Variants in CNTNAP2 observed in about 807,000 individuals in gnomAD.
CNTNAP2 encodes contactin associated protein 2, also known as contactin-associated protein-like 2.
In CNTNAP2, 98 loss-of-function variants were observed where a neutral mutation model predicts 155.2. That is an observed-to-expected ratio of 0.63 (90% CI 0.54 to 0.75). CNTNAP2 has a LOEUF of 0.75. Ranked by LOEUF, CNTNAP2 falls within the 30% of genes least tolerant of loss-of-function variation. CNTNAP2 has a pLI of 0.00. For synonymous variants in CNTNAP2, 651 were observed against 631.2 expected (o/e 1.03, Z -0.47); for missense variants, 1,727 against 1,688.1 (o/e 1.02, Z -0.40).
intron 13 of CNTNAP2, among the ~76,000 whole-genome samples, chr7:147,809,115 G>T (rs1445961163): frequency 6.6e-6 from 1 of 152,192 alleles, no homozygotes; most frequent in Non-Finnish European, 1.5e-5. Flanking sequence ...ACTACTGGCA[G>T]CACGAGCAGG....
rs115447220 is a variant in CNTNAP2 at position 147,493,991 on chromosome 7, C to T, written c.1777+7950C>T. Among the ~76,000 whole-genome samples the T allele has an allele frequency of 5.1e-3, 773 of 152,254 alleles. 9 individuals are homozygous for T. Among genetic ancestry groups the T allele is most frequent in the African/African-American group, 0.017 (726 of 41,552 alleles). ...TATGCAAGTCAAATGTTAATAAGCC[C>T]TTGCTCAGCTGTATGTATTCTCTAG... On this transcript the variant is annotated intron_variant, in intron 11 of 23. Coordinates refer to ENST00000361727, the MANE Select transcript of CNTNAP2 (RefSeq NM_014141.6).
chr7:148,035,614 A>G (rs188150817), intron 15 of CNTNAP2, among the ~76,000 whole-genome samples: 36 of 152,316 alleles, frequency 2.4e-4, no homozygotes, highest in African/African-American at 8.7e-4. Flanking sequence ...CCTAGATTTC[A>G]AAGGATGTGT....
intron 1 of CNTNAP2, among the ~76,000 whole-genome samples, chr7:146,637,995 G>A (rs965233444): frequency 6.6e-6 from 1 of 152,088 alleles, no homozygotes; most frequent in Non-Finnish European, 1.5e-5. Context: ...GTGTCTATAA[G>A]GACCTTGTAT....
At chr7:146,273,500 T>C (rs1441272689) in intron 1 of CNTNAP2, among the ~76,000 whole-genome samples, 1 of 152,126 alleles carries the variant, frequency 6.6e-6, no homozygotes, top group African/African-American at 2.4e-5. Context: ...CCATGGATTA[T>C]ACCTAAAGAA....
intron 3 of CNTNAP2, among the ~76,000 whole-genome samples, chr7:146,930,439 C>T (rs1563007102): frequency 2.0e-5 from 3 of 152,080 alleles, no homozygotes; most frequent in African/African-American, 4.8e-5. Flanking sequence ...CTGAAGGAAG[C>T]ACTAAACATG....
chr7:146,270,977 G>A (rs1221445174), intron 1 of CNTNAP2, among the ~76,000 whole-genome samples: 1 of 152,086 alleles, frequency 6.6e-6, no homozygotes, highest in Non-Finnish European at 1.5e-5. Flanking sequence ...GAAAAAATGA[G>A]TATGTAAACA....
intron 3 of CNTNAP2, among the ~76,000 whole-genome samples, chr7:147,021,779 C>T (rs1798821633): frequency 6.6e-6 from 1 of 152,218 alleles, no homozygotes; most frequent in African/African-American, 2.4e-5. Flanking sequence ...TCATGTAACA[C>T]CTTGTTTTTC....
chr7:147,824,104 G>A (rs546525130), intron 13 of CNTNAP2, among the ~76,000 whole-genome samples: 2 of 152,172 alleles, frequency 1.3e-5, no homozygotes, highest in Admixed American at 6.6e-5. Flanking sequence ...TTAGTGTCTC[G>A]AGATTCTATT....
At chr7:148,202,776 A>G (rs1217885628) in intron 18 of CNTNAP2, among the ~76,000 whole-genome samples, 2 of 152,322 alleles carry the variant, frequency 1.3e-5, no homozygotes, top group East Asian at 3.9e-4. Flanking sequence ...AATTACACAC[A>G]TCGTGTGTGC....
At chr7:148,007,331 A>G (rs1213002444) in intron 15 of CNTNAP2, among the ~76,000 whole-genome samples, 1 of 144,772 alleles carries the variant, frequency 6.9e-6, no homozygotes, top group East Asian at 2.7e-4. Flanking sequence ...CATTCTTTAA[A>G]GTTCAGATAA....
intron 3 of CNTNAP2, among the ~76,000 whole-genome samples, chr7:146,971,248 A>C (rs549046000): frequency 2.6e-4 from 39 of 152,264 alleles, no homozygotes; most frequent in Admixed American, 1.6e-3. Context: ...TTTTTCCCTA[A>C]AATATTATTG....
chr7:147,512,794 G>T lies in CNTNAP2; in HGVS notation c.1777+26753G>T, dbSNP rs1048859589. Among the ~76,000 whole-genome samples, 5 of 152,196 alleles carry T rather than the reference G, an allele frequency of 3.3e-5. No individual in the cohort carries two copies. The South Asian group carries it at 1.0e-3, about 32-fold the overall frequency. On this transcript the variant is annotated intron_variant, in intron 11 of 23. Coordinates refer to ENST00000361727, the MANE Select transcript of CNTNAP2 (RefSeq NM_014141.6). ...GCAAATAATAAGACAGAGTTACAAA[G>T]ATTTATGTATGCTTTTCATCTCAGC...
chr7:147,808,169 C>T (rs889545894), intron 13 of CNTNAP2, among the ~76,000 whole-genome samples: 6 of 152,110 alleles, frequency 3.9e-5, no homozygotes, highest in African/African-American at 1.4e-4. Flanking sequence ...CTCCATATGG[C>T]CTCTTTCTGT....
rs1486541938 is a variant in CNTNAP2, at chr7:148,393,475, A to G, written c.3715+9587A>G. Among the ~76,000 whole-genome samples, 3 of 152,206 alleles carry G rather than the reference A, an allele frequency of 2.0e-5. No homozygotes were observed. The East Asian group carries it at 5.8e-4, about 29-fold the overall frequency. Reference sequence around the variant, plus strand: ...CAAGCGCATTTATGTATCTCAAATCAACTATGGTATTAGTCTTACCTATTT... The same window carrying G: ...CAAGCGCATTTATGTATCTCAAATCGACTATGGTATTAGTCTTACCTATTT... On this transcript the variant is annotated intron_variant, in intron 22 of 23. Coordinates refer to ENST00000361727, the MANE Select transcript of CNTNAP2 (RefSeq NM_014141.6).
intron 4 of CNTNAP2, among the ~76,000 whole-genome samples, chr7:147,061,632 C>T (rs2129262455): frequency 6.6e-6 from 1 of 152,260 alleles, no homozygotes; most frequent in Non-Finnish European, 1.5e-5. Flanking sequence ...GTTTGTATTT[C>T]CTCCTCCACG....
intron 1 of CNTNAP2, among the ~76,000 whole-genome samples, chr7:146,483,980 C>T (rs1362113610): frequency 6.6e-6 from 1 of 152,190 alleles, no homozygotes; most frequent in Non-Finnish European, 1.5e-5. Context: ...CACTGACTCA[C>T]CCAGAGCAAC....
chr7:148,194,472 G>A lies in CNTNAP2; in HGVS notation c.3010+21994G>A, dbSNP rs192354898. 9.4e-3 allele frequency among the ~76,000 whole-genome samples: 1,438 copies of A among 152,186 alleles called. 17 individuals are homozygous for A. The highest frequency in any genetic ancestry group is 0.015 in the Non-Finnish European group (1,030 of 68,012). On this transcript the variant is annotated intron_variant, in intron 18 of 23. Transcript: ENST00000361727. ...AAGCTCAGAAGCGATATTAGTCAAG[G>A]TTCCCCAGAGAAAAAGAACCAGTAG...
At chr7:146,814,328 T>C (rs2129194554) in intron 2 of CNTNAP2, among the ~76,000 whole-genome samples, 1 of 152,286 alleles carries the variant, frequency 6.6e-6, no homozygotes, top group East Asian at 1.9e-4. Flanking sequence ...TCTTTGTCTC[T>C]AAAGTAAGCA....
At chr7:147,264,460 G>C (rs1236054220) in intron 8 of CNTNAP2, among the ~76,000 whole-genome samples, 1 of 151,880 alleles carries the variant, frequency 6.6e-6, no homozygotes, top group Non-Finnish European at 1.5e-5. Flanking sequence ...TAAAATTTCA[G>C]GAAGTGAGGG....
Sources: allele counts gnomAD v4.1 joint callset (sites outside exome capture counted in the v4.1 genomes callset), GRCh38; gene constraint gnomAD v4.1.1; transcripts MANE v1.5; gene names NCBI Gene and HGNC (gene_info 2026-07-23, HGNC 2026-07-21).